Variants in SRPK2 observed in about 807,000 individuals in gnomAD.
The protein encoded by SRPK2 is SRSF protein kinase 2, also known as SFRS protein kinase 2.
In SRPK2, 21 loss-of-function variants were observed where a neutral mutation model predicts 90.8. That is an observed-to-expected ratio of 0.23 (90% CI 0.16 to 0.33). The LOEUF is 0.33. Ranked by LOEUF, SRPK2 falls within the 10% of genes least tolerant of loss-of-function variation. SRPK2 has a pLI of 1.00. For missense variants in SRPK2, 620 were observed against 869.0 expected (o/e 0.71, Z 3.60); for synonymous variants, 288 against 311.1 (o/e 0.93, Z 0.78).
At chr7:105,339,856 G>T (rs541982819) in intron 2 of SRPK2, among the ~76,000 whole-genome samples, 3 of 152,222 alleles carry the variant, frequency 2.0e-5, no homozygotes, top group Admixed American at 2.0e-4. Flanking sequence ...GCAGCTGTTT[G>T]AAACCAGCCT....
chr7:105,246,785 A>T (rs955751697), intron 2 of SRPK2, among the ~76,000 whole-genome samples: 3 of 152,228 alleles, frequency 2.0e-5, no homozygotes, highest in African/African-American at 7.2e-5. Flanking sequence ...TCAACTATAA[A>T]TTTTAACAAT....
At chr7:105,254,379 TAAA>T (rs1802928330) in intron 2 of SRPK2, among the ~76,000 whole-genome samples, 1 of 152,224 alleles carries the variant, frequency 6.6e-6, no homozygotes, top group South Asian at 2.1e-4. Context: ...AATGACAACG[TAAA>T]GATGTATCTT....
At chr7:105,378,382 A>C (rs1820554520) in intron 2 of SRPK2, among the ~76,000 whole-genome samples, 1 of 152,222 alleles carries the variant, frequency 6.6e-6, no homozygotes, top group Admixed American at 6.6e-5. Context: ...AGAAAAACTT[A>C]CGACACAATA....
chr7:105,157,044 T>C (rs1445087021), intron 7 of SRPK2, among the ~76,000 whole-genome samples: 1 of 151,952 alleles, frequency 6.6e-6, no homozygotes, highest in Non-Finnish European at 1.5e-5. Context: ...TTACTTGCAA[T>C]AGAAAGGAGA....
intron 7 of SRPK2, among the ~76,000 whole-genome samples, chr7:105,147,977 A>G (rs1418258690): frequency 6.6e-6 from 1 of 152,218 alleles, no homozygotes; most frequent in East Asian, 1.9e-4. Flanking sequence ...ACTCGTGTAT[A>G]CATTTTTGTG....
chr7:105,243,471 A>G (rs1801100281), intron 2 of SRPK2, among the ~76,000 whole-genome samples: 1 of 152,118 alleles, frequency 6.6e-6, no homozygotes. Flanking sequence ...CAGGAGTTCA[A>G]GACTAGTCTG....
rs1562979533 is a variant in SRPK2 at position 105,143,159 on chromosome 7, C to T, written c.985G>A (p.Glu329Lys). The change falls in exon 10 of 16, where the codon GAA (glutamate) becomes AAA (lysine). Residue 329 changes from glutamate (E) to lysine (K), a missense_variant. Glu to Lys is a moderately conservative substitution (Grantham distance 56). Around this residue, in one of 8 missense-constraint regions of SRPK2, gnomAD observed 243 missense variants for 245.7 expected, o/e 0.99. Transcript: ENST00000393651. ...TTTAGTTTCACCTCTGGGCAGTATT[C>T]GCCATCCTGGTCATTGGAAGGTGCA... ...SAAPSNDQDG[E>K]YCPEVKLKTT... 1.2e-6 allele frequency: 2 copies of T among 1,614,176 alleles called. No individual in the cohort carries two copies. The highest frequency in any genetic ancestry group is 1.7e-6 in the Non-Finnish European group (2 of 1,180,034).
At chr7:105,358,224 A>AG (rs1491236230) in intron 2 of SRPK2, among the ~76,000 whole-genome samples, 2 of 51,584 alleles carry the variant, frequency 3.9e-5, no homozygotes, top group Admixed American at 1.9e-4. Context: ...ACTCCGTCTC[A>AG]AAAAAAAAAA....
Position 105,142,401 on chromosome 7 carries a change from T to C in SRPK2, c.1150A>G (p.Ile384Val), listed in dbSNP as rs143341338. Residue 384 changes from isoleucine (I) to valine (V), a missense_variant, in exon 11 of 16, where the codon ATA (isoleucine) becomes GTA (valine). Physicochemically the swap from Ile to Val is conservative, Grantham distance 29 (BLOSUM62 3). Coordinates refer to ENST00000393651, the MANE Select transcript of SRPK2 (RefSeq NM_182692.3). ...EDDVDQELANIDPTWIESPKT... is the reference protein window; with the variant it reads ...EDDVDQELANVDPTWIESPKT... ...GGTGATTCTATCCACGTAGGGTCTATGTTCGCAAGTTCCTGATCTACATCA... is the reference window on the plus strand; with the variant it reads ...GGTGATTCTATCCACGTAGGGTCTACGTTCGCAAGTTCCTGATCTACATCA... The C allele has an allele frequency of 2.2e-4, 357 of 1,614,080 alleles. No individual in the cohort carries two copies. The highest frequency in any genetic ancestry group is 4.9e-4 in the Middle Eastern group (3 of 6,084).
At chr7:105,216,203 G>A (rs959736366) in intron 2 of SRPK2, among the ~76,000 whole-genome samples, 28 of 152,036 alleles carry the variant, frequency 1.8e-4, no homozygotes, top group African/African-American at 5.8e-4. Context: ...AAGTTGTTAT[G>A]CAAAAATAAT....
intron 7 of SRPK2, among the ~76,000 whole-genome samples, chr7:105,149,870 TAC>T (rs1443843871): frequency 2.6e-5 from 4 of 152,204 alleles, no homozygotes; most frequent in Middle Eastern, 3.2e-3. Flanking sequence ...AACTTTACCT[TAC>T]AGAGTATTTT....
rs563262056 is a variant in SRPK2, at chr7:105,344,854, A to G, written c.71+43794T>C. On this transcript the variant is annotated intron_variant, in intron 2 of 15. Coordinates refer to ENST00000393651, the MANE Select transcript of SRPK2 (RefSeq NM_182692.3). ...ACACTCACACTTAAAAAAAAAAAAA[A>G]GGCCAGGAGTAGTCACTAACACCTG... is the stretch of plus-strand genomic sequence containing the variant. Among the ~76,000 whole-genome samples, 20 of 151,046 alleles carry G rather than the reference A, an allele frequency of 1.3e-4. No individual in the cohort carries two copies. The East Asian group carries it at 3.7e-3, about 28-fold the overall frequency.
At chr7:105,279,205 C>A (rs774973992) in intron 2 of SRPK2, among the ~76,000 whole-genome samples, 12 of 121,348 alleles carry the variant, frequency 9.9e-5, no homozygotes, top group Non-Finnish European at 1.7e-4. Flanking sequence ...AGAGGGCGGG[C>A]GGCGGGGGGA....
At position 105,205,515 on chromosome 7, in the gene SRPK2, TCTCACACACACACACACA is replaced by T. The variant is rs1278341017; in HGVS notation, c.72-1748_72-1731del. Among the ~76,000 whole-genome samples the T allele has an allele frequency of 7.0e-3, 787 of 111,826 alleles. 2 individuals are homozygous for T. The highest frequency in any genetic ancestry group is 0.018 in the African/African-American group (461 of 26,046). The allele number at this position is 111,826 out of a possible 152,430, so 73.4% of individuals were successfully genotyped here. A position where few individuals can be genotyped will look rare whatever the true frequency, so the allele number is the denominator to read the frequency against. On this transcript the variant is annotated intron_variant, in intron 2 of 15. Transcript: ENST00000393651. The stretch of plus-strand genomic sequence containing the variant: ...TATTCATTCTCTCTCTCTCTCTCTC[TCTCACACACACACACACA>T]CACACACACACACACACACACACAC...
At chr7:105,222,946 A>T (rs1798281184) in intron 2 of SRPK2, among the ~76,000 whole-genome samples, 1 of 152,228 alleles carries the variant, frequency 6.6e-6, no homozygotes, top group African/African-American at 2.4e-5. Flanking sequence ...TTGCTTTCAC[A>T]TTTATTCAAA....
At chr7:105,384,256 C>T (rs562886518) in intron 2 of SRPK2, among the ~76,000 whole-genome samples, 5 of 152,318 alleles carry the variant, frequency 3.3e-5, no homozygotes, top group African/African-American at 1.2e-4. Context: ...CTAAACAGCA[C>T]TACAGTCCTT....
intron 3 of SRPK2, among the ~76,000 whole-genome samples, chr7:105,174,256 ATTTT>A (rs1585051832): frequency 6.6e-6 from 1 of 152,144 alleles, no homozygotes; most frequent in East Asian, 1.9e-4. Context: ...AAAGAAGAAA[ATTTT>A]AAAACTCTCC....
At chr7:105,261,623 T>C (rs1364854335) in intron 2 of SRPK2, among the ~76,000 whole-genome samples, 1 of 152,182 alleles carries the variant, frequency 6.6e-6, no homozygotes, top group Admixed American at 6.5e-5. Flanking sequence ...TCTATGCCAA[T>C]ACCACAGAAA....
At chr7:105,192,555 A>C (rs1465468949) in intron 3 of SRPK2, among the ~76,000 whole-genome samples, 1 of 152,224 alleles carries the variant, frequency 6.6e-6, no homozygotes, top group Non-Finnish European at 1.5e-5. Context: ...TCCTCTAGGT[A>C]GATACTCAGT....
Sources: allele counts gnomAD v4.1 joint callset (sites outside exome capture counted in the v4.1 genomes callset), GRCh38; gene constraint gnomAD v4.1.1; regional missense constraint gnomAD v4.1.1; transcripts MANE v1.5; gene names NCBI Gene and HGNC (gene_info 2026-07-23, HGNC 2026-07-21).